Variants in RSPO2 observed in about 807,000 individuals in gnomAD.
The protein encoded by RSPO2 is R-spondin 2, also known as R-spondin-2.
A neutral mutation model predicts 30.9 loss-of-function variants in RSPO2; 14 were observed. The observed-to-expected ratio is 0.45, with a 90% CI of 0.30 to 0.71. RSPO2 has a LOEUF of 0.71. Ranked by LOEUF, RSPO2 falls within the 30% of genes least tolerant of loss-of-function variation. RSPO2 has a pLI of 0.08. For synonymous variants in RSPO2, 107 were observed against 96.4 expected, an observed-to-expected ratio of 1.11 and a Z score of -0.64; for missense variants, 264 against 301.9, an observed-to-expected ratio of 0.87 and a Z score of 0.93.
In RSPO2 at chr8:107,928,296, A is replaced by T. The variant is rs76323329; in HGVS notation, c.617-27106T>A. On this transcript the variant is annotated intron_variant, in intron 5 of 5. Coordinates refer to ENST00000276659, the MANE Select transcript of RSPO2 (RefSeq NM_178565.5). The stretch of plus-strand genomic sequence containing the variant: ...TCCTTTACCCTTTTAAAAAATACAT[A>T]GTTAACAGATGTACTGCTTAGCTGA... Among the ~76,000 whole-genome samples the T allele has an allele frequency of 3.2e-3, 489 of 152,332 alleles. 1 individual carries two copies. Among genetic ancestry groups the T allele is most frequent in the Admixed American group, 7.2e-3 (110 of 15,294 alleles).
At chr8:107,988,181 C>A (rs996732835) in intron 3 of RSPO2, among the ~76,000 whole-genome samples, 1 of 151,928 alleles carries the variant, frequency 6.6e-6, no homozygotes, top group African/African-American at 2.4e-5. Context: ...TTACTATGTA[C>A]AAAATGCCAT....
chr8:108,033,891 C>A (rs1002331339), intron 2 of RSPO2, among the ~76,000 whole-genome samples: 3 of 152,216 alleles, frequency 2.0e-5, no homozygotes, highest in African/African-American at 7.2e-5. Flanking sequence ...CTAAAAACTA[C>A]AACCCACTGG....
chr8:107,909,264 T>A (rs868486849), intron 5 of RSPO2, among the ~76,000 whole-genome samples: 1 of 148,628 alleles, frequency 6.7e-6, no homozygotes, highest in African/African-American at 2.5e-5. Context: ...CAGTTGTTTT[T>A]TTTTTTTTTT....
At chr8:108,023,563 T>G (rs566974033) in intron 2 of RSPO2, among the ~76,000 whole-genome samples, 82 of 152,306 alleles carry the variant, frequency 5.4e-4, no homozygotes, top group African/African-American at 1.8e-3. Context: ...AAAATTAAGA[T>G]TGGCTTCCTC....
intron 3 of RSPO2, among the ~76,000 whole-genome samples, chr8:107,976,944 C>T (rs893856575): frequency 1.3e-5 from 2 of 152,120 alleles, no homozygotes; most frequent in South Asian, 2.1e-4. Context: ...AATTAAAATG[C>T]ATGTGCCAGA....
intron 2 of RSPO2, among the ~76,000 whole-genome samples, chr8:107,990,948 G>A (rs1388369104): frequency 1.3e-5 from 2 of 152,054 alleles, no homozygotes; most frequent in Non-Finnish European, 2.9e-5. Flanking sequence ...AAGCAATGAG[G>A]GGCTGGGTGC....
chr8:108,016,446 GATAAA>G (rs1254475991), intron 2 of RSPO2, among the ~76,000 whole-genome samples: 1 of 152,038 alleles, frequency 6.6e-6, no homozygotes, highest in African/African-American at 2.4e-5. Context: ...TCTCCAAAAG[GATAAA>G]ATAAGATAGC....
At chr8:107,949,367 T>C (rs935568873) in intron 5 of RSPO2, among the ~76,000 whole-genome samples, 4 of 151,286 alleles carry the variant, frequency 2.6e-5, no homozygotes, top group African/African-American at 9.9e-5. Context: ...TGGTATTCCA[T>C]GGTGTATATC....
intron 2 of RSPO2, among the ~76,000 whole-genome samples, chr8:108,008,375 G>C (rs1279265725): frequency 6.6e-6 from 1 of 152,080 alleles, no homozygotes; most frequent in East Asian, 1.9e-4. Context: ...ATCACTGTTG[G>C]GTAGCCTGTG....
At chr8:108,062,538 A>G (rs1182033658) in intron 2 of RSPO2, among the ~76,000 whole-genome samples, 1 of 151,232 alleles carries the variant, frequency 6.6e-6, no homozygotes, top group Non-Finnish European at 1.5e-5. Context: ...AATTGAGGCA[A>G]TAATAGCCTA....
At chr8:107,954,647 T>C (rs1813361832) in intron 5 of RSPO2, among the ~76,000 whole-genome samples, 1 of 151,854 alleles carries the variant, frequency 6.6e-6, no homozygotes, top group African/African-American at 2.4e-5. Flanking sequence ...AGTCCTGCTC[T>C]GTCACCAGGC....
At chr8:108,068,824 C>G (rs578212595) in intron 2 of RSPO2, among the ~76,000 whole-genome samples, 1 of 152,144 alleles carries the variant, frequency 6.6e-6, no homozygotes, top group Non-Finnish European at 1.5e-5. Flanking sequence ...GTCTCCTCCC[C>G]TAGAGTCTCA....
chr8:107,925,202 A>G (rs1384073686), intron 5 of RSPO2, among the ~76,000 whole-genome samples: 1 of 151,880 alleles, frequency 6.6e-6, no homozygotes. Context: ...GGAACAGTGT[A>G]CACCGCTCAG....
intron 5 of RSPO2, among the ~76,000 whole-genome samples, chr8:107,945,096 G>A (rs1813015236): frequency 1.3e-5 from 2 of 151,946 alleles, no homozygotes; most frequent in Non-Finnish European, 2.9e-5. Flanking sequence ...CTTTGTAAAT[G>A]AATCATCACA....
At chr8:107,910,928 G>T (rs141028827) in intron 5 of RSPO2, among the ~76,000 whole-genome samples, 3 of 152,222 alleles carry the variant, frequency 2.0e-5, no homozygotes, top group African/African-American at 7.2e-5. Context: ...ACAATGTAAT[G>T]TGCCATAGCA....
chr8:107,937,758 A>G (rs1812767055), intron 5 of RSPO2, among the ~76,000 whole-genome samples: 1 of 152,072 alleles, frequency 6.6e-6, no homozygotes, highest in Admixed American at 6.6e-5. Context: ...CTTACCCCAA[A>G]TATCTAAATT....
chr8:107,968,802 G>A (rs1408561925), intron 3 of RSPO2, among the ~76,000 whole-genome samples: 4 of 151,876 alleles, frequency 2.6e-5, no homozygotes, highest in African/African-American at 9.7e-5. Flanking sequence ...AGCTCAAATA[G>A]GATACTCCAC....
intron 3 of RSPO2, among the ~76,000 whole-genome samples, chr8:107,988,635 T>C (rs1317715201): frequency 2.0e-5 from 3 of 152,176 alleles, no homozygotes; most frequent in African/African-American, 4.8e-5. Flanking sequence ...GAGCTTAGAC[T>C]CTTTTTTTTT....
intron 2 of RSPO2, among the ~76,000 whole-genome samples, chr8:108,011,134 G>GAAAAAAAAA (rs66722934): frequency 8.0e-5 from 8 of 100,308 alleles, no homozygotes; most frequent in Admixed American, 1.2e-4. Flanking sequence ...CTCCGTCCCA[G>GAAAAAAAAA]AAAAAAAAAA....
Sources: gnomAD v4.1 joint callset for allele counts (sites outside exome capture counted in the v4.1 genomes callset) on GRCh38, gnomAD v4.1.1 for gene constraint, MANE v1.5 for transcripts, NCBI Gene and HGNC (gene_info 2026-07-23, HGNC 2026-07-21) for gene names.